The following CADM1 variants were observed in gnomAD, a reference collection of about 807,000 sequenced individuals.
CADM1 encodes the protein TSLC-1.
A neutral mutation model predicts 53.1 loss-of-function variants in CADM1; 15 were observed. The observed-to-expected ratio is 0.28, with a 90% CI of 0.19 to 0.44. The LOEUF is 0.44. CADM1 is among the 20% of genes least tolerant of loss of function. CADM1 has a pLI of 1.00. For missense variants in CADM1, 434 were observed against 611.3 expected (o/e 0.71, Z 3.06); for synonymous variants, 281 against 243.0 (o/e 1.16, Z -1.45).
chr11:115,235,708 A>G (rs1351527507), intron 3 of CADM1, among the ~76,000 whole-genome samples: 1 of 152,188 alleles, frequency 6.6e-6, no homozygotes, highest in African/African-American at 2.4e-5. Context: ...GTGAAATCTC[A>G]CTCTAAGACC....
chr11:115,220,440 C>A (rs1245209668), intron 5 of CADM1, among the ~76,000 whole-genome samples: 1 of 152,106 alleles, frequency 6.6e-6, no homozygotes, highest in Non-Finnish European at 1.5e-5. Flanking sequence ...TTTACTAAAT[C>A]ACAAAAAATA....
intron 7 of CADM1, among the ~76,000 whole-genome samples, chr11:115,213,367 T>C (rs767939389): frequency 6.6e-6 from 1 of 152,222 alleles, no homozygotes; most frequent in African/African-American, 2.4e-5. Context: ...ATTAATGTTA[T>C]TATGTGTGAA....
chr11:115,239,715 T>TG (rs1369400686), intron 2 of CADM1, among the ~76,000 whole-genome samples: 2 of 150,418 alleles, frequency 1.3e-5, no homozygotes, highest in African/African-American at 2.4e-5. Context: ...AGTTTTTGGT[T>TG]TTTTTTTTTT....
intron 1 of CADM1, among the ~76,000 whole-genome samples, chr11:115,304,078 A>G (rs183871310): frequency 1.7e-4 from 26 of 152,222 alleles, no homozygotes; most frequent in Admixed American, 1.5e-3. Flanking sequence ...TATTATGTAC[A>G]AATAGTCTGG....
intron 1 of CADM1, among the ~76,000 whole-genome samples, chr11:115,297,102 C>A (rs921277204): frequency 6.6e-5 from 10 of 152,218 alleles, no homozygotes; most frequent in Admixed American, 4.6e-4. Flanking sequence ...CAGTATTTGG[C>A]TTTGAAGAAT....
chr11:115,277,546 A>C (rs1163468908), intron 1 of CADM1, among the ~76,000 whole-genome samples: 1 of 152,206 alleles, frequency 6.6e-6, no homozygotes, highest in Non-Finnish European at 1.5e-5. Context: ...GGGTCGAGTA[A>C]TTGTGAAAGA....
chr11:115,174,906 C>T lies in CADM1; in HGVS notation c.*1568G>A. Reference sequence around the variant, plus strand: ...CGTTTCAGTGAAAATCCCCACACTTCTTTCTTTAAAACATGTAAATGGTAA... The same window carrying T: ...CGTTTCAGTGAAAATCCCCACACTTTTTTCTTTAAAACATGTAAATGGTAA... On this transcript the variant is annotated 3_prime_UTR_variant, in exon 12 of 12. Transcript: ENST00000331581. 1.0e-6 allele frequency: 1 copy of T among 985,724 alleles called. No individual in the cohort carries two copies. Among genetic ancestry groups the T allele is most frequent in the Non-Finnish European group, 1.2e-6 (1 of 829,884 alleles). The allele number at this position is 985,724 out of a possible 1,614,324, so 61.1% of individuals were successfully genotyped here.
chr11:115,358,396 C>T (rs1283163258), intron 1 of CADM1, among the ~76,000 whole-genome samples: 4 of 152,258 alleles, frequency 2.6e-5, no homozygotes, highest in African/African-American at 9.6e-5. Flanking sequence ...GCATGTTTTA[C>T]ATGGCAACAG....
chr11:115,422,856 T>G (rs1947792948), intron 1 of CADM1, among the ~76,000 whole-genome samples: 1 of 152,182 alleles, frequency 6.6e-6, no homozygotes, highest in Admixed American at 6.5e-5. Context: ...TGTACATTTT[T>G]CTGACACTCA....
In CADM1 at chr11:115,406,556, T is replaced by TA. The variant is rs1231245303; in HGVS notation, c.124+97714dup. On this transcript the variant is annotated intron_variant, in intron 1 of 11. Coordinates refer to ENST00000331581, the MANE Select transcript of CADM1 (RefSeq NM_001301043.2). The stretch of plus-strand genomic sequence containing the variant: ...TTATAATTATATAATGTAATACTTA[T>TA]ATAATTACATAATATTATATACCTT... Among the ~76,000 whole-genome samples, 4 of 148,086 alleles carry TA rather than the reference T, an allele frequency of 2.7e-5. No individual in the cohort carries two copies. The East Asian group carries it at 7.8e-4, about 29-fold the overall frequency.
At chr11:115,212,457 A>G (rs1941005786) in intron 7 of CADM1, among the ~76,000 whole-genome samples, 1 of 152,188 alleles carries the variant, frequency 6.6e-6, no homozygotes. Context: ...GGAGATAGGT[A>G]GTATATTACA....
chr11:115,364,883 T>A (rs529585523), intron 1 of CADM1, among the ~76,000 whole-genome samples: 15 of 152,358 alleles, frequency 9.8e-5, no homozygotes, highest in Admixed American at 4.6e-4. Context: ...AATAACAGTT[T>A]TGTTAGTATT....
intron 1 of CADM1, among the ~76,000 whole-genome samples, chr11:115,404,067 T>G (rs1947234620): frequency 6.6e-6 from 1 of 150,740 alleles, no homozygotes; most frequent in African/African-American, 2.4e-5. Context: ...TGCTCACGCC[T>G]GTAATCCCAA....
At chr11:115,459,153 G>A (rs1948742519) in intron 1 of CADM1, among the ~76,000 whole-genome samples, 1 of 152,172 alleles carries the variant, frequency 6.6e-6, no homozygotes, top group Admixed American at 6.5e-5. Context: ...AATAATGAAT[G>A]GAAAGGAGTG....
At chr11:115,356,956 T>A (rs1382311194) in intron 1 of CADM1, among the ~76,000 whole-genome samples, 1 of 152,234 alleles carries the variant, frequency 6.6e-6, no homozygotes, top group African/African-American at 2.4e-5. Context: ...ATTCCAACTG[T>A]GTTATAACAT....
intron 1 of CADM1, among the ~76,000 whole-genome samples, chr11:115,241,478 G>A (rs897225962): frequency 6.6e-6 from 1 of 152,194 alleles, no homozygotes; most frequent in Non-Finnish European, 1.5e-5. Flanking sequence ...GGGAGAGAGA[G>A]AGACTGCTTT....
At chr11:115,199,612 C>T (rs964363343) in intron 8 of CADM1, among the ~76,000 whole-genome samples, 2 of 152,186 alleles carry the variant, frequency 1.3e-5, no homozygotes, top group African/African-American at 4.8e-5. Flanking sequence ...TTTCCAGAGT[C>T]ATTTTATCAC....
At chr11:115,246,876 C>T (rs537001135) in intron 1 of CADM1, among the ~76,000 whole-genome samples, 2 of 152,266 alleles carry the variant, frequency 1.3e-5, no homozygotes, top group South Asian at 4.1e-4. Flanking sequence ...TTTAATTTAA[C>T]ATTTTATAAT....
intron 1 of CADM1, among the ~76,000 whole-genome samples, chr11:115,453,377 CAAAAAAAACCAAAA>C (rs1257440708): frequency 2.4e-5 from 3 of 126,024 alleles, no homozygotes; most frequent in African/African-American, 8.2e-5. Context: ...CCCTCGCCCC[CAAAAAAAACCAAAA>C]AAAAAAAACA....
Sources: gnomAD v4.1 joint callset for allele counts (sites outside exome capture counted in the v4.1 genomes callset) on GRCh38, gnomAD v4.1.1 for gene constraint, MANE v1.5 for transcripts, NCBI Gene and HGNC (gene_info 2026-07-23, HGNC 2026-07-21) for gene names.